Variants in SPON2 observed in about 807,000 individuals in gnomAD.
The protein encoded by SPON2 is spondin-2.
SPON2 carries 32 observed loss-of-function variants against 29.9 expected under a neutral mutation model. That is an observed-to-expected ratio of 1.07 (90% CI 0.81 to 1.44). The LOEUF is 1.44. SPON2 is among the 40% of genes most tolerant of loss of function. SPON2 has a pLI of 0.00. For synonymous variants in SPON2, 248 were observed against 209.1 expected (o/e 1.19, Z -1.61); for missense variants, 541 against 455.5 (o/e 1.19, Z -1.71).
upstream of SPON2, among the ~76,000 whole-genome samples, chr4:1,195,785 C>A (rs1728054279): frequency 6.8e-6 from 1 of 146,172 alleles, no homozygotes; most frequent in Non-Finnish European, 1.5e-5. Context: ...TACAGGTGTG[C>A]ACTACCACAC....
At chr4:1,205,847 T>G (rs960958732) in intron 1 of SPON2, among the ~76,000 whole-genome samples, 3 of 152,176 alleles carry the variant, frequency 2.0e-5, no homozygotes, top group African/African-American at 7.2e-5. Flanking sequence ...GACCCTCAGC[T>G]TGGATGGGCA....
intron 2 of SPON2, 21 bp downstream of exon 2, chr4:1,171,831 C>T (rs1011684759): frequency 4.5e-6 from 7 of 1,572,662 alleles, no homozygotes; most frequent in African/African-American, 4.0e-5. Flanking sequence ...GAGCAGGAGG[C>T]GAGGAGGGGG....
In SPON2 at chr4:1,170,479, C is replaced by T. The variant is rs777381991; in HGVS notation, c.734G>A (p.Arg245Gln). 2.0e-5 allele frequency: 33 copies of T among 1,613,886 alleles called. No homozygotes were observed. The highest frequency in any genetic ancestry group is 1.6e-4 in the African/African-American group (12 of 74,918). ...AGGGATGAAGGCCCTGGGGCTCTGT[C>T]GCAGCCGCACCAGTGTCACCCTGGC... ...PIARVTLVRL[R>Q]QSPRAFIPPA... Residue 245 changes from arginine (R) to glutamine (Q), a missense_variant, in exon 5 of 6, where the codon CGA becomes CAA. Coordinates refer to ENST00000290902, the MANE Select transcript of SPON2 (RefSeq NM_012445.4).
chr4:1,203,281 G>A (rs999748651), intron 1 of SPON2, among the ~76,000 whole-genome samples: 19 of 152,158 alleles, frequency 1.2e-4, no homozygotes, highest in Non-Finnish European at 2.2e-4. Flanking sequence ...CCCCAGCCCC[G>A]GGCAGCTGGG....
intron 5 of SPON2, 28 bp from the exon 6 acceptor site, chr4:1,167,684 T>C (rs1727290900): frequency 1.3e-6 from 2 of 1,555,832 alleles, no homozygotes; most frequent in Non-Finnish European, 1.7e-6. Flanking sequence ...GAGACCGAGG[T>C]GAACGCTCGC....
In SPON2 at chr4:1,171,091, G is replaced by A. The variant is rs991672404; in HGVS notation, c.544C>T (p.Leu182=). The A allele has an allele frequency of 6.5e-7, 1 of 1,550,354 alleles. No homozygotes were observed. Among genetic ancestry groups the A allele is most frequent in the Non-Finnish European group, 8.7e-7 (1 of 1,146,822 alleles). The change falls in exon 4 of 6, where the codon CTG becomes TTG. Residue 182 remains leucine (L), a synonymous_variant. Transcript: ENST00000290902. The part of the protein sequence containing the change: ...DGDRWREQAA[L]DLYPYDAGTD... The stretch of plus-strand genomic sequence containing the variant: ...CCGGCGTCGTAGGGGTACAGGTCCA[G>A]CGCCGCCTGTTCCCGCCAACGGTCC...
intron 1 of SPON2, among the ~76,000 whole-genome samples, chr4:1,180,212 G>A (rs1262745099): frequency 1.3e-5 from 2 of 152,160 alleles, no homozygotes; most frequent in Non-Finnish European, 1.5e-5. Context: ...ATTCTCTAAT[G>A]CATAGAACCT....
At position 1,202,321 on chromosome 4, in the gene SPON2, CTCCCATCAG is replaced by C. The variant is rs1423186176; in HGVS notation, c.-234+5550_-234+5558del. On this transcript the variant is annotated intron_variant, in intron 1 of 3. Coordinates refer to the SPON2 transcript ENST00000509233. This position sits in a 1 kb window ranked among gnomAD's most constrained non-coding sequence, Gnocchi z 5.4. The stretch of plus-strand genomic sequence containing the variant: ...TCTGCCTCGTGAGTGGATCAAACAC[CTCCCATCAG>C]TCCCCACCTCCCGGCACTCCACGGG... 6.6e-6 allele frequency among the ~76,000 whole-genome samples: 1 copy of C among 152,196 alleles called. No individual in the cohort carries two copies. Among genetic ancestry groups the C allele is most frequent in the African/African-American group, 2.4e-5 (1 of 41,444 alleles).
rs781375492 is a variant in SPON2, at chr4:1,171,309, G to A, written c.398C>T (p.Thr133Ile). Residue 133 changes from threonine to isoleucine, a missense_variant, in exon 3 of 6, where the codon ACC (threonine) becomes ATC (isoleucine). Transcript: ENST00000290902. ...VFSAPAVPSG[T>I]GQTSAELEVQ... ...CTCCAGCTCCGCCGACGTCTGCCCG[G>A]TGCCGCTGGGGACGGCGGGCGCCGA... is the stretch of plus-strand genomic sequence containing the variant. 5 of 1,597,500 alleles carry A rather than the reference G, an allele frequency of 3.1e-6. No individual in the cohort carries two copies. The highest frequency in any genetic ancestry group is 3.4e-5 in the Admixed American group (2 of 59,374).
chr4:1,203,449 C>T (rs942785461), intron 1 of SPON2, among the ~76,000 whole-genome samples: 13 of 152,308 alleles, frequency 8.5e-5, no homozygotes, highest in African/African-American at 2.6e-4. Context: ...TTCCTTTTTA[C>T]GGGTGAAGAA....
At chr4:1,204,591 C>T (rs558666522) in intron 1 of SPON2, among the ~76,000 whole-genome samples, 32 of 152,236 alleles carry the variant, frequency 2.1e-4, no homozygotes, top group Non-Finnish European at 3.2e-4. Context: ...CTGGTGGCCA[C>T]GGTTCCCTTG....
upstream of SPON2, among the ~76,000 whole-genome samples, chr4:1,176,601 C>T (rs571352326): frequency 3.5e-4 from 41 of 118,482 alleles, no homozygotes; most frequent in African/African-American, 1.5e-3. Flanking sequence ...ATTCAATCAT[C>T]CATTCACACA....
At chr4:1,169,335 C>T (rs1480820533) in intron 5 of SPON2, among the ~76,000 whole-genome samples, 3 of 151,998 alleles carry the variant, frequency 2.0e-5, no homozygotes, top group Non-Finnish European at 2.9e-5. Flanking sequence ...ATGGGGCATC[C>T]GCGTGGACAA....
intron 1 of SPON2, among the ~76,000 whole-genome samples, chr4:1,185,250 A>C (rs1382524474): frequency 6.6e-6 from 1 of 151,316 alleles, no homozygotes; most frequent in East Asian, 2.1e-4. Flanking sequence ...TCTTTTTTGT[A>C]TTTTTAATAC....
chr4:1,169,530 CAGTA>C (rs1260944346), intron 5 of SPON2, among the ~76,000 whole-genome samples: 1 of 152,156 alleles, frequency 6.6e-6, no homozygotes, highest in Non-Finnish European at 1.5e-5. Flanking sequence ...GGACGGCTGA[CAGTA>C]AGCTTGTAAT....
In SPON2 at chr4:1,170,464, G is replaced by C. The variant is rs766035222; in HGVS notation, c.749C>G (p.Ala250Gly). Reference protein sequence around the residue: ...TLVRLRQSPRAFIPPAPVLPS... With the variant: ...TLVRLRQSPRGFIPPAPVLPS... Reference sequence around the variant, plus strand: ...CAGGACTGGGGCGGGAGGGATGAAGGCCCTGGGGCTCTGTCGCAGCCGCAC... The same window carrying C: ...CAGGACTGGGGCGGGAGGGATGAAGCCCCTGGGGCTCTGTCGCAGCCGCAC... Residue 250 changes from alanine (A) to glycine (G), a missense_variant, in exon 5 of 6, where the codon GCC becomes GGC. Coordinates refer to ENST00000290902, the MANE Select transcript of SPON2 (RefSeq NM_012445.4). 4 of 1,614,028 alleles carry C rather than the reference G, an allele frequency of 2.5e-6. No homozygotes were observed. In the South Asian group the frequency reaches 3.3e-5, roughly 13 times the overall value.
At chr4:1,172,276 G>T (rs911486190) in intron 1 of SPON2, 13 of 600,544 alleles carry the variant, frequency 2.2e-5, no homozygotes, top group Non-Finnish European at 3.8e-5. Context: ...TCGCCCGTGC[G>T]CCTGCGAGCG....
chr4:1,207,586 C>CACCTAACCTTATAT (rs1560216837), intron 1 of SPON2, among the ~76,000 whole-genome samples: 2 of 135,180 alleles, frequency 1.5e-5, no homozygotes, highest in Non-Finnish European at 1.6e-5. Flanking sequence ...CTTACACATG[C>CACCTAACCTTATAT]TCCAGAGGGT....
At position 1,171,493 on chromosome 4, in the gene SPON2, G is replaced by T. The variant is rs1188498490; in HGVS notation, c.221-7C>A. ...TCGGAGCTATGCGCGGCCCCTGCAG[G>T]ACCACCCGGCCGCGCCGCGGACCAT... is the stretch of plus-strand genomic sequence containing the variant. On this transcript the variant is annotated splice_polypyrimidine_tract_variant and splice_region_variant and intron_variant, in intron 2 of 5. Transcript: ENST00000290902. The T allele has an allele frequency of 1.2e-6, 2 of 1,605,866 alleles. No individual in the cohort carries two copies. Among genetic ancestry groups the T allele is most frequent in the Non-Finnish European group, 1.7e-6 (2 of 1,174,998 alleles).
Sources: gnomAD v4.1 joint callset for allele counts (sites outside exome capture counted in the v4.1 genomes callset) on GRCh38, gnomAD v4.1.1 for gene constraint, Gnocchi (gnomAD v3.1) non-coding constraint, MANE v1.5 for transcripts, NCBI Gene and HGNC (gene_info 2026-07-23, HGNC 2026-07-21) for gene names.